C7orf25: variants seen among roughly 807,000 people sequenced by gnomAD.
C7orf25 encodes the protein UPF0415 protein C7orf25.
A neutral mutation model predicts 25.5 loss-of-function variants in C7orf25; 14 were observed. The ratio of observed to expected loss-of-function variants is 0.55; its 90% CI spans 0.36 to 0.86. C7orf25 has a LOEUF of 0.86. C7orf25 is among the 40% of genes least tolerant of loss of function. The pLI, the probability that C7orf25 is intolerant of heterozygous loss-of-function variation, is 0.01. For synonymous variants in C7orf25, 184 were observed against 179.9 expected, an observed-to-expected ratio of 1.02 and a Z score of -0.18; for missense variants, 405 against 493.9, an observed-to-expected ratio of 0.82 and a Z score of 1.71.
chr7:42,909,327 A>C lies in C7orf25; in HGVS notation c.*308T>G, dbSNP rs889691676. 3 of 265,378 alleles carry C rather than the reference A, an allele frequency of 1.1e-5. No individual in the cohort carries two copies. Among genetic ancestry groups the C allele is most frequent in the Non-Finnish European group, 2.1e-5 (3 of 141,712 alleles). The allele number at this position is 265,378 out of a possible 1,614,324, so 16.4% of individuals were successfully genotyped here. A position where few individuals can be genotyped will look rare whatever the true frequency, so the allele number is the denominator to read the frequency against. Reference sequence around the variant, plus strand: ...ATGCAATGTAGCCATATTCCATGAAATGTGGTTAGCAGTAGGGGAGTTGTA... The same window carrying C: ...ATGCAATGTAGCCATATTCCATGAACTGTGGTTAGCAGTAGGGGAGTTGTA... On this transcript the variant is annotated 3_prime_UTR_variant, in exon 2 of 2. Coordinates refer to ENST00000350427, the MANE Select transcript of C7orf25 (RefSeq NM_001099858.2).
Position 42,910,868 on chromosome 7 carries a change from G to A in C7orf25, c.33C>T (p.Ile11=). 1.9e-6 allele frequency: 3 copies of A among 1,613,972 alleles called. No homozygotes were observed. Among genetic ancestry groups the A allele is most frequent in the East Asian group, 2.2e-5 (1 of 44,888 alleles). Residue 11 remains isoleucine, a synonymous_variant, in exon 2 of 2, where the codon ATC becomes ATT. Transcript: ENST00000350427. The part of the protein sequence containing the change: MSAHSMLCER[I]AIAKELIKRA... ...TCTTGATCAGTTCCTTGGCTATGGC[G>A]ATTCGTTCACAGAGCATGGAATGTG...
rs774005421 is a variant in C7orf25 at position 42,909,770 on chromosome 7, A to C, written c.1131T>G (p.Ser377Arg). ...TLKAITMTAN[S>R]GFVRAANNQG... ...GGTTGTTTGCAGCTCTGACAAAACC[A>C]CTATTAGCAGTCATTGTGATGGCTT... The change falls in exon 2 of 2, where the codon AGT (serine) becomes AGG (arginine). Residue 377 changes from serine (S) to arginine (R), a missense_variant. By Grantham distance (110) the Ser-to-Arg change is moderately radical (BLOSUM62 -1). Transcript: ENST00000350427. The C allele has an allele frequency of 2.5e-5, 40 of 1,614,086 alleles. No individual in the cohort carries two copies. Among genetic ancestry groups the C allele is most frequent in the Non-Finnish European group, 3.1e-5 (36 of 1,180,052 alleles).
chr7:42,911,691 TG>T lies in C7orf25; in HGVS notation c.-22+223del, dbSNP rs1263393590. On this transcript the variant is annotated intron_variant, in intron 1 of 1. Transcript: ENST00000350427. Reference sequence around the variant, plus strand: ...CCAGAGGCCGGCGGGGCCTTCTCGGTGGGCTGCGGGGCCCTCGGCCCTGCCC... The same window carrying T: ...CCAGAGGCCGGCGGGGCCTTCTCGGTGGCTGCGGGGCCCTCGGCCCTGCCC... 7.8e-6 allele frequency: 9 copies of T among 1,155,648 alleles called. No individual in the cohort carries two copies. The African/African-American group carries it at 1.3e-4, about 17-fold the overall frequency. 71.6% of individuals were successfully genotyped at this position (1,155,648 alleles called of 1,614,324 possible). A position where few individuals can be genotyped will look rare whatever the true frequency, so the allele number is the denominator to read the frequency against.
In C7orf25 at chr7:42,911,901, C is replaced by A; in HGVS notation, c.-22+14G>T. The A allele has an allele frequency of 6.9e-7, 1 of 1,455,838 alleles. No individual in the cohort carries two copies. Among genetic ancestry groups the A allele is most frequent in the Non-Finnish European group, 9.0e-7 (1 of 1,110,850 alleles). 90.2% of individuals were successfully genotyped at this position (1,455,838 alleles called of 1,614,324 possible). A position where few individuals can be genotyped will look rare whatever the true frequency, so the allele number is the denominator to read the frequency against. ...CCGCTCCCAGCCTCCCCGCCTCGCT[C>A]CCCGGCTCCTCACCGGCAGCGCCAG... On this transcript the variant is annotated intron_variant, in intron 1 of 1. Transcript: ENST00000350427.
chr7:42,911,654 C>A (rs1395332851), intron 1 of C7orf25: 2 of 1,110,464 alleles, frequency 1.8e-6, no homozygotes, highest in Middle Eastern at 3.9e-4. Context: ...CGCAGGTCGC[C>A]GGGTGGGCGG....
In C7orf25 at chr7:42,912,028, C is replaced by A. The variant is rs1008979011; in HGVS notation, c.-135G>T. ...ACCCCGCTCGAACGCCGAGGCGGCT[C>A]CACCCGCGCGAGCCCCGCCGCCTCG... On this transcript the variant is annotated 5_prime_UTR_variant, in exon 1 of 2. The change creates a premature stop within an existing upstream ORF in the 5' untranslated region. Coordinates refer to ENST00000350427, the MANE Select transcript of C7orf25 (RefSeq NM_001099858.2). The A allele has an allele frequency of 2.7e-6, 4 of 1,478,520 alleles. No individual in the cohort carries two copies. The highest frequency in any genetic ancestry group is 2.9e-5 in the East Asian group (1 of 34,466). 91.6% of individuals were successfully genotyped at this position (1,478,520 alleles called of 1,614,324 possible). A position where few individuals can be genotyped will look rare whatever the true frequency, so the allele number is the denominator to read the frequency against.
At position 42,911,940 on chromosome 7, in the gene C7orf25, A is replaced by AGCACGCAGGCGCGT. The variant is rs1381333808; in HGVS notation, c.-61_-48dup. The stretch of plus-strand genomic sequence containing the variant: ...CGGCAGCGCCAGAACCGCGAGCGCG[A>AGCACGCAGGCGCGT]GCACGCAGGCGCGTGCACGCAGAGG... On this transcript the variant is annotated 5_prime_UTR_variant, in exon 1 of 2. Coordinates refer to ENST00000350427, the MANE Select transcript of C7orf25 (RefSeq NM_001099858.2). 2 of 1,482,302 alleles carry AGCACGCAGGCGCGT rather than the reference A, an allele frequency of 1.3e-6. No individual in the cohort carries two copies. Among genetic ancestry groups the AGCACGCAGGCGCGT allele is most frequent in the African/African-American group, 1.5e-5 (1 of 68,278 alleles). The allele number at this position is 1,482,302 out of a possible 1,614,324, so 91.8% of individuals were successfully genotyped here.
chr7:42,909,312 G>A lies in C7orf25; in HGVS notation c.*323C>T, dbSNP rs1451575771. ...GATATTTAATGCAAGATGCAATGTAGCCATATTCCATGAAATGTGGTTAGC... is the reference window on the plus strand; with the variant it reads ...GATATTTAATGCAAGATGCAATGTAACCATATTCCATGAAATGTGGTTAGC... On this transcript the variant is annotated 3_prime_UTR_variant, in exon 2 of 2. Coordinates refer to ENST00000350427, the MANE Select transcript of C7orf25 (RefSeq NM_001099858.2). 4 of 239,256 alleles carry A rather than the reference G, an allele frequency of 1.7e-5. No homozygotes were observed. The highest frequency in any genetic ancestry group is 3.2e-5 in the Non-Finnish European group (4 of 125,098). The allele number at this position is 239,256 out of a possible 1,614,324, so 14.8% of individuals were successfully genotyped here. A position where few individuals can be genotyped will look rare whatever the true frequency, so the allele number is the denominator to read the frequency against.
rs1260427506 is a variant in C7orf25, at chr7:42,910,155, T to C, written c.746A>G (p.Asn249Ser). Residue 249 changes from asparagine to serine, a missense_variant, in exon 2 of 2, where the codon AAT becomes AGT. Asn to Ser is a conservative substitution (Grantham distance 46). Coordinates refer to ENST00000350427, the MANE Select transcript of C7orf25 (RefSeq NM_001099858.2). ...EIKVDVCKRVNLDITTLITYV... is the reference protein window; with the variant it reads ...EIKVDVCKRVSLDITTLITYV... Reference sequence around the variant, plus strand: ...TGTGATTAAAGTAGTAATGTCCAGATTTACTCTTTTGCACACATCGACCTT... The same window carrying C: ...TGTGATTAAAGTAGTAATGTCCAGACTTACTCTTTTGCACACATCGACCTT... The C allele has an allele frequency of 6.2e-7, 1 of 1,614,162 alleles. No homozygotes were observed. The highest frequency in any genetic ancestry group is 1.1e-5 in the South Asian group (1 of 91,080).
rs1435393138 is a variant in C7orf25 at position 42,909,747 on chromosome 7, T to C, written c.1154A>G (p.Asn385Ser). The C allele has an allele frequency of 1.9e-6, 3 of 1,614,216 alleles. No homozygotes were observed. Among genetic ancestry groups the C allele is most frequent in the Non-Finnish European group, 2.5e-6 (3 of 1,180,042 alleles). ...AAACACACTAAATTTAACACCCTGGTTGTTTGCAGCTCTGACAAAACCACT... is the reference window on the plus strand; with the variant it reads ...AAACACACTAAATTTAACACCCTGGCTGTTTGCAGCTCTGACAAAACCACT... ...ANSGFVRAANNQGVKFSVFIH... is the reference protein window; with the variant it reads ...ANSGFVRAANSQGVKFSVFIH... Residue 385 changes from asparagine to serine, a missense_variant, in exon 2 of 2, where the codon AAC becomes AGC. Coordinates refer to ENST00000350427, the MANE Select transcript of C7orf25 (RefSeq NM_001099858.2).
Position 42,910,705 on chromosome 7 carries a change from T to C in C7orf25, c.196A>G (p.Ser66Gly). 1 of 1,614,152 alleles carries C rather than the reference T, an allele frequency of 6.2e-7. No individual in the cohort carries two copies. The highest frequency in any genetic ancestry group is 8.5e-7 in the Non-Finnish European group (1 of 1,180,028). The change falls in exon 2 of 2, where the codon AGC becomes GGC. Residue 66 changes from serine (S) to glycine (G), a missense_variant. Coordinates refer to ENST00000350427, the MANE Select transcript of C7orf25 (RefSeq NM_001099858.2). ...KVAIKESHLQSTNLTHLRAIV... is the reference protein window; with the variant it reads ...KVAIKESHLQGTNLTHLRAIV... Reference sequence around the variant, plus strand: ...GCTCTCAGGTGTGTTAGGTTAGTGCTCTGTAAATGAGACTCTTTAATAGCT... The same window carrying C: ...GCTCTCAGGTGTGTTAGGTTAGTGCCCTGTAAATGAGACTCTTTAATAGCT...
At chr7:42,910,968 A>G (rs1785879774) in intron 1 of C7orf25, 47 bp from the exon 2 acceptor site, 2 of 1,603,034 alleles carry the variant, frequency 1.2e-6, no homozygotes, top group Non-Finnish European at 1.7e-6. Flanking sequence ...TAAAATTATG[A>G]CAATCAATTC....
chr7:42,911,516 G>C (rs1254775172), intron 1 of C7orf25: 1 of 999,136 alleles, frequency 1.0e-6, no homozygotes, highest in Non-Finnish European at 1.2e-6. Context: ...CGTCAACCCA[G>C]ACTATTTTAA....
Position 42,910,938 on chromosome 7 carries a change from G to A in C7orf25, c.-21-17C>T, listed in dbSNP as rs1235616180. ...ATTCCTTTCCTAGGGAAAGAAACAAGGCAAACTTCAGTAGTCTCCTAAAAT... is the reference window on the plus strand; with the variant it reads ...ATTCCTTTCCTAGGGAAAGAAACAAAGCAAACTTCAGTAGTCTCCTAAAAT... On this transcript the variant is annotated splice_polypyrimidine_tract_variant and intron_variant, in intron 1 of 1. Coordinates refer to ENST00000350427, the MANE Select transcript of C7orf25 (RefSeq NM_001099858.2). 6.8e-6 allele frequency: 11 copies of A among 1,608,358 alleles called. No individual in the cohort carries two copies. The highest frequency in any genetic ancestry group is 6.8e-6 in the Non-Finnish European group (8 of 1,179,374).
In C7orf25 at chr7:42,910,483, T is replaced by G; in HGVS notation, c.418A>C (p.Lys140Gln). The G allele has an allele frequency of 6.2e-7, 1 of 1,614,270 alleles. No homozygotes were observed. ...IWLGRGQYGD[K>Q]SIIEQAEDFL... ...TCTTCAGCCTGCTCAATGATGCTTT[T>G]GTCACCATATTGGCCCCTGCCCAGC... The change falls in exon 2 of 2, where the codon AAA (lysine) becomes CAA (glutamine). Residue 140 changes from lysine to glutamine, a missense_variant. Lys to Gln is a moderately conservative substitution (Grantham distance 53, BLOSUM62 1). Coordinates refer to ENST00000350427, the MANE Select transcript of C7orf25 (RefSeq NM_001099858.2).
In C7orf25 at chr7:42,910,382, G is replaced by A. The variant is rs768107971; in HGVS notation, c.519C>T (p.Val173=). The change falls in exon 2 of 2, where the codon GTC becomes GTT. Residue 173 remains valine, a synonymous_variant. Coordinates refer to ENST00000350427, the MANE Select transcript of C7orf25 (RefSeq NM_001099858.2). ...PHIIFAFYNS[V]SSPMAEKLKE... ...TCAGCTTCTCTGCCATGGGGCTGGA[G>A]ACACTGTTGTAAAATGCAAAGATGA... The A allele has an allele frequency of 6.2e-7, 1 of 1,614,222 alleles. No individual in the cohort carries two copies. The highest frequency in any genetic ancestry group is 2.2e-5 in the East Asian group (1 of 44,874).
In C7orf25 at chr7:42,910,208, T is replaced by G. The variant is rs1785854700; in HGVS notation, c.693A>C (p.Leu231=). Reference sequence around the variant, plus strand: ...TTTCTGTTGGAAACGCAACACTTGCTAGTATATTTTCTCGGTCAACTCTGG... The same window carrying G: ...TTTCTGTTGGAAACGCAACACTTGCGAGTATATTTTCTCGGTCAACTCTGG... The part of the protein sequence containing the change: ...QVTRVDRENI[L]ASVAFPTEIK... The change falls in exon 2 of 2, where the codon CTA becomes CTC. Residue 231 remains leucine (L), a synonymous_variant. Coordinates refer to ENST00000350427, the MANE Select transcript of C7orf25 (RefSeq NM_001099858.2). 1 of 1,614,246 alleles carries G rather than the reference T, an allele frequency of 6.2e-7. No individual in the cohort carries two copies. The highest frequency in any genetic ancestry group is 1.3e-5 in the African/African-American group (1 of 75,070).
chr7:42,911,913 A>C lies in C7orf25; in HGVS notation c.-22+2T>G. On this transcript the variant is annotated splice_donor_variant, in intron 1 of 1. Coordinates refer to ENST00000350427, the MANE Select transcript of C7orf25 (RefSeq NM_001099858.2). LOFTEE classifies it low-confidence loss of function (5UTR_SPLICE). Reference sequence around the variant, plus strand: ...TCCCCGCCTCGCTCCCCGGCTCCTCACCGGCAGCGCCAGAACCGCGAGCGC... The same window carrying C: ...TCCCCGCCTCGCTCCCCGGCTCCTCCCCGGCAGCGCCAGAACCGCGAGCGC... 6.8e-7 allele frequency: 1 copy of C among 1,468,444 alleles called. No homozygotes were observed. The highest frequency in any genetic ancestry group is 8.9e-7 in the Non-Finnish European group (1 of 1,117,768). 91.0% of individuals were successfully genotyped at this position (1,468,444 alleles called of 1,614,324 possible).
chr7:42,909,978 A>C lies in C7orf25; in HGVS notation c.923T>G (p.Val308Gly). 1 of 1,614,226 alleles carries C rather than the reference A, an allele frequency of 6.2e-7. No homozygotes were observed. The highest frequency in any genetic ancestry group is 8.5e-7 in the Non-Finnish European group (1 of 1,180,050). ...ATCTAAAATAGACTGAAAGTCCTTG[A>C]CAGCAGATTCACAAGCAAACAACTC... ...DKELFACESA[V>G]KDFQSILDTL... Residue 308 changes from valine (V) to glycine (G), a missense_variant, in exon 2 of 2, where the codon GTC becomes GGC. By Grantham distance (109) the Val-to-Gly change is moderately radical (BLOSUM62 -3). Coordinates refer to ENST00000350427, the MANE Select transcript of C7orf25 (RefSeq NM_001099858.2).
Sources: allele counts gnomAD v4.1 joint callset, GRCh38; gene constraint gnomAD v4.1.1; transcripts MANE v1.5; gene names NCBI Gene and HGNC (gene_info 2026-07-23, HGNC 2026-07-21).